Variants in PPDPFL observed in about 807,000 individuals in gnomAD.
PPDPFL encodes the protein pancreatic progenitor cell differentiation and proliferation factor-like protein.
Under a neutral mutation model 12.6 loss-of-function variants are expected in PPDPFL, and 12 were observed. The observed-to-expected ratio is 0.95, with a 90% CI of 0.61 to 1.54. PPDPFL has a LOEUF of 1.54. PPDPFL is among the 40% of genes most tolerant of loss of function. The pLI is 0.00. For missense variants in PPDPFL, 114 were observed against 96.0 expected (o/e 1.19, Z -0.78); for synonymous variants, 24 against 32.7 (o/e 0.73, Z 0.91).
In PPDPFL at chr8:49,074,211, G is replaced by T. The variant is rs1262375142; in HGVS notation, c.134-23G>T. ...CAATCTCAAATTTGTTTGATAAGGA[G>T]TAACATGAATTTTATTTAATAGGGT... On this transcript the variant is annotated intron_variant, in intron 3 of 4. Transcript: ENST00000522267. 4.4e-6 allele frequency: 7 copies of T among 1,609,112 alleles called. No homozygotes were observed. The South Asian group carries it at 7.7e-5, about 18-fold the overall frequency.
intron 1 of PPDPFL, among the ~76,000 whole-genome samples, chr8:49,065,957 T>G (rs1808293249): frequency 1.3e-5 from 2 of 152,380 alleles, no homozygotes; most frequent in African/African-American, 2.4e-5. Flanking sequence ...TATTTCATTC[T>G]CTGGTACTAG....
chr8:49,064,310 T>C (rs1808259730), intron 1 of PPDPFL, among the ~76,000 whole-genome samples: 1 of 152,182 alleles, frequency 6.6e-6, no homozygotes, highest in African/African-American at 2.4e-5. Flanking sequence ...GTAAACCATT[T>C]GTCTCAGAAG....
intron 1 of PPDPFL, among the ~76,000 whole-genome samples, chr8:49,057,604 G>T (rs913175531): frequency 6.6e-6 from 1 of 152,032 alleles, no homozygotes; most frequent in Non-Finnish European, 1.5e-5. Flanking sequence ...TAACTTCAAT[G>T]ATACTTCACT....
intron 1 of PPDPFL, among the ~76,000 whole-genome samples, chr8:49,063,915 A>G (rs1407240940): frequency 3.3e-5 from 5 of 151,850 alleles, no homozygotes; most frequent in Non-Finnish European, 5.9e-5. Flanking sequence ...GACACACTGA[A>G]TTCTTCCAGT....
intron 1 of PPDPFL, among the ~76,000 whole-genome samples, chr8:49,060,344 G>A (rs548875768): frequency 2.0e-4 from 30 of 152,004 alleles, no homozygotes; most frequent in Non-Finnish European, 2.6e-4. Context: ...ACAGAGTTTC[G>A]GTCTTGTTGA....
chr8:49,073,033 C>T, intron 2 of PPDPFL, 148 bp downstream of exon 2: 1 of 693,904 alleles, frequency 1.4e-6, no homozygotes, highest in Non-Finnish European at 2.4e-6. Flanking sequence ...GCCTCAGGGA[C>T]TTCTCTGATC....
At chr8:49,074,585 G>A in intron 4 of PPDPFL, 2 of 1,536,156 alleles carry the variant, frequency 1.3e-6, no homozygotes, top group Non-Finnish European at 8.7e-7. Context: ...ATGCCAAACT[G>A]TGTCATTGTT....
At chr8:49,058,406 A>C (rs925870331) in intron 1 of PPDPFL, among the ~76,000 whole-genome samples, 9 of 152,252 alleles carry the variant, frequency 5.9e-5, no homozygotes, top group African/African-American at 1.9e-4. Context: ...GGATGAAGAC[A>C]GTGAAAGAAT....
At chr8:49,055,649 C>T (rs1262049499) in intron 1 of PPDPFL, among the ~76,000 whole-genome samples, 1 of 152,118 alleles carries the variant, frequency 6.6e-6, no homozygotes, top group Admixed American at 6.6e-5. Flanking sequence ...ATCTACAGCT[C>T]TGGCCTCTGT....
At chr8:49,063,985 C>G (rs1386995936) in intron 1 of PPDPFL, among the ~76,000 whole-genome samples, 1 of 152,136 alleles carries the variant, frequency 6.6e-6, no homozygotes, top group Non-Finnish European at 1.5e-5. Flanking sequence ...AGCCTCAGAG[C>G]CTGAGGTTTT....
upstream of PPDPFL, chr8:49,072,199 G>A (rs533428582): frequency 2.0e-5 from 3 of 152,558 alleles, no homozygotes; most frequent in East Asian, 5.8e-4. Context: ...GAGGGCCTTT[G>A]GCAGGCTGGA....
chr8:49,058,686 C>A (rs567650959), intron 1 of PPDPFL, among the ~76,000 whole-genome samples: 1 of 152,300 alleles, frequency 6.6e-6, no homozygotes, highest in Admixed American at 6.5e-5. Context: ...TTTATAATTT[C>A]ATCAAGAAAG....
At chr8:49,054,532 A>T (rs569677213) in intron 1 of PPDPFL, among the ~76,000 whole-genome samples, 1 of 152,182 alleles carries the variant, frequency 6.6e-6, no homozygotes, top group South Asian at 2.1e-4. Flanking sequence ...TTAAGATATT[A>T]GTAGTTAAAT....
chr8:49,071,475 G>A (rs544427547), upstream of PPDPFL, among the ~76,000 whole-genome samples: 11 of 152,114 alleles, frequency 7.2e-5, no homozygotes, highest in Non-Finnish European at 1.5e-4. Flanking sequence ...GGCTAACACG[G>A]TGAAACCCCA....
chr8:49,059,239 G>T (rs2129243615), intron 1 of PPDPFL, among the ~76,000 whole-genome samples: 1 of 152,192 alleles, frequency 6.6e-6, no homozygotes, highest in Non-Finnish European at 1.5e-5. Context: ...TTGTGGTGTG[G>T]TGTGGTGTGG....
intron 1 of PPDPFL, among the ~76,000 whole-genome samples, chr8:49,067,313 C>T (rs1341907747): frequency 1.3e-5 from 2 of 152,212 alleles, no homozygotes; most frequent in African/African-American, 2.4e-5. Context: ...ACATGCTACA[C>T]ATATTCATTT....
intron 1 of PPDPFL, among the ~76,000 whole-genome samples, chr8:49,063,592 C>T (rs1314069209): frequency 6.6e-6 from 1 of 151,984 alleles, no homozygotes. Flanking sequence ...TGGTGGTGTG[C>T]ACCTGTAGTC....
intron 1 of PPDPFL, among the ~76,000 whole-genome samples, chr8:49,056,802 A>G (rs1287691618): frequency 6.6e-6 from 1 of 152,224 alleles, no homozygotes; most frequent in African/African-American, 2.4e-5. Context: ...AGATAGAAAT[A>G]CGACAATCAG....
At chr8:49,065,467 G>A (rs1450532526) in intron 1 of PPDPFL, among the ~76,000 whole-genome samples, 3 of 152,148 alleles carry the variant, frequency 2.0e-5, no homozygotes, top group Non-Finnish European at 2.9e-5. Context: ...GAGATGCAGG[G>A]CAGAGGAGAG....
Sources: gnomAD v4.1 joint callset for allele counts (sites outside exome capture counted in the v4.1 genomes callset) on GRCh38, gnomAD v4.1.1 for gene constraint, MANE v1.5 for transcripts, NCBI Gene and HGNC (gene_info 2026-07-23, HGNC 2026-07-21) for gene names.